ARHGAP21: variants seen among roughly 807,000 people sequenced by gnomAD.
ARHGAP21 encodes rho GTPase-activating protein 21.
ARHGAP21 carries 38 observed loss-of-function variants against 164.6 expected under a neutral mutation model. That is an observed-to-expected ratio of 0.23 (90% confidence interval 0.18 to 0.30). ARHGAP21 has a LOEUF of 0.30. Among genes scored for constraint, ARHGAP21 ranks in the 10% least tolerant of loss-of-function variants. The pLI, the probability that ARHGAP21 is intolerant of heterozygous loss-of-function variation, is 1.00. For synonymous variants in ARHGAP21, 766 were observed against 857.9 expected (o/e 0.89, Z 1.87); for missense variants, 1,822 against 2,370.7 (o/e 0.77, Z 4.81).
intron 21 of ARHGAP21, among the ~76,000 whole-genome samples, chr10:24,594,074 A>AAATC (rs2076468349): frequency 6.6e-6 from 1 of 152,202 alleles, no homozygotes; most frequent in Admixed American, 6.5e-5. Flanking sequence ...CCTTAAGGAA[A>AAATC]AATCACTCAG....
intron 9 of ARHGAP21, among the ~76,000 whole-genome samples, chr10:24,619,066 A>C (rs1278886334): frequency 6.6e-6 from 1 of 152,218 alleles, no homozygotes; most frequent in Non-Finnish European, 1.5e-5. Flanking sequence ...TAAATTTACA[A>C]AGAAATATGT....
At chr10:24,692,069 A>G (rs1047462348) in intron 2 of ARHGAP21, among the ~76,000 whole-genome samples, 2 of 152,230 alleles carry the variant, frequency 1.3e-5, no homozygotes, top group Non-Finnish European at 2.9e-5. Flanking sequence ...GGGCAGTAAC[A>G]CTGCTTTACT....
chr10:24,602,232 C>CTT, intron 12 of ARHGAP21, 129 bp from the exon 13 acceptor site: 1 of 1,059,232 alleles, frequency 9.4e-7, no homozygotes, highest in Non-Finnish European at 1.3e-6. Context: ...AAAATCCTAA[C>CTT]TTTATCTTTT....
intron 9 of ARHGAP21, among the ~76,000 whole-genome samples, chr10:24,612,134 T>TTACA (rs1220906994): frequency 3.9e-5 from 6 of 152,188 alleles, no homozygotes. Context: ...TGTAACTCAG[T>TTACA]GAAATTATCA....
intron 8 of ARHGAP21, among the ~76,000 whole-genome samples, 180 bp downstream of exon 8, chr10:24,622,553 A>G (rs1593062274): frequency 6.7e-6 from 1 of 150,132 alleles, no homozygotes; most frequent in East Asian, 1.9e-4. Flanking sequence ...ACCAAACATA[A>G]AAATAAAAAA....
At position 24,690,776 on chromosome 10, in the gene ARHGAP21, C is replaced by T. The variant is rs556414926; in HGVS notation, c.64-20379G>A. 7.3e-5 allele frequency among the ~76,000 whole-genome samples: 11 copies of T among 150,896 alleles called. 2 individuals carry two copies. The highest frequency in any genetic ancestry group is 2.1e-4 in the South Asian group (1 of 4,730). ...CCAGGAGGTGGAGGTTGCAGTGAGCCGAGATCGCGCCACTGCACTCCAGCC... is the reference window on the plus strand; with the variant it reads ...CCAGGAGGTGGAGGTTGCAGTGAGCTGAGATCGCGCCACTGCACTCCAGCC... On this transcript the variant is annotated intron_variant, in intron 2 of 25. Coordinates refer to ENST00000396432, the MANE Select transcript of ARHGAP21 (RefSeq NM_020824.4).
chr10:24,671,158 T>C (rs1328975862), intron 2 of ARHGAP21, among the ~76,000 whole-genome samples: 1 of 152,118 alleles, frequency 6.6e-6, no homozygotes, highest in Non-Finnish European at 1.5e-5. Context: ...ATTCACTCCT[T>C]TACCCTCTCC....
intron 2 of ARHGAP21, among the ~76,000 whole-genome samples, chr10:24,712,411 C>T (rs1255084557): frequency 6.6e-6 from 1 of 152,086 alleles, no homozygotes; most frequent in Non-Finnish European, 1.5e-5. Flanking sequence ...AGACCTCCTG[C>T]GGATACCAAA....
At chr10:24,716,559 C>T (rs1050965580) in intron 2 of ARHGAP21, among the ~76,000 whole-genome samples, 1 of 152,172 alleles carries the variant, frequency 6.6e-6, no homozygotes, top group Non-Finnish European at 1.5e-5. Context: ...ACAGGAGGTG[C>T]GCTCAGGGAG....
At chr10:24,682,751 C>G (rs1200970826) in intron 2 of ARHGAP21, among the ~76,000 whole-genome samples, 2 of 151,338 alleles carry the variant, frequency 1.3e-5, no homozygotes, top group Admixed American at 1.3e-4. Context: ...TGATAAATAT[C>G]TAGACGTATC....
chr10:24,667,755 G>GT (rs547781189), intron 3 of ARHGAP21, among the ~76,000 whole-genome samples: 110 of 145,524 alleles, frequency 7.6e-4, no homozygotes, highest in Non-Finnish European at 8.5e-4. Context: ...GCTGCCCAAT[G>GT]TTTTTTTTTT....
intron 2 of ARHGAP21, among the ~76,000 whole-genome samples, chr10:24,702,792 C>CTGT (rs1224701584): frequency 2.0e-5 from 3 of 152,086 alleles, no homozygotes; most frequent in Non-Finnish European, 4.4e-5. Context: ...ATTGCCCAGG[C>CTGT]TGTTATTAAA....
Position 24,722,169 on chromosome 10 carries a change from A to G in ARHGAP21, c.-270T>C. Reference sequence around the variant, plus strand: ...AAGGCGACAGGTCTTCTTGGCAGCCAGTGTCGAGGCCAATTGCAGAAAGCG... The same window carrying G: ...AAGGCGACAGGTCTTCTTGGCAGCCGGTGTCGAGGCCAATTGCAGAAAGCG... On this transcript the variant is annotated 5_prime_UTR_variant, in exon 2 of 26. Coordinates refer to ENST00000396432, the MANE Select transcript of ARHGAP21 (RefSeq NM_020824.4). The G allele has an allele frequency of 2.0e-6, 1 of 494,360 alleles. No homozygotes were observed. The highest frequency in any genetic ancestry group is 3.7e-6 in the Non-Finnish European group (1 of 270,714). 30.6% of individuals were successfully genotyped at this position (494,360 alleles called of 1,614,324 possible). A position where few individuals can be genotyped will look rare whatever the true frequency, so the allele number is the denominator to read the frequency against.
At position 24,585,290 on chromosome 10, in the gene ARHGAP21, T is replaced by G; in HGVS notation, c.4999A>C (p.Arg1667=). The change falls in exon 26 of 26, where the codon AGA becomes CGA. Residue 1667 remains arginine (R), a synonymous_variant. Transcript: ENST00000396432. ...CTTAATTCACTTCCTTCAGAATTTC[T>G]CCGGCTGCTCTTAGTCACTTCTTGC... ...KLQEVTKSSR[R]NSEGSELSCT... The G allele has an allele frequency of 3.7e-6, 6 of 1,609,510 alleles. No homozygotes were observed. The highest frequency in any genetic ancestry group is 5.1e-6 in the Non-Finnish European group (6 of 1,179,530).
At chr10:24,646,972 C>A (rs1837631359) in intron 4 of ARHGAP21, among the ~76,000 whole-genome samples, 1 of 152,158 alleles carries the variant, frequency 6.6e-6, no homozygotes, top group African/African-American at 2.4e-5. Context: ...TAATATTCTG[C>A]AGAACATTAA....
intron 4 of ARHGAP21, among the ~76,000 whole-genome samples, chr10:24,658,838 TCAA>T (rs940564566): frequency 9.2e-5 from 14 of 152,048 alleles, no homozygotes; most frequent in African/African-American, 2.9e-4. Context: ...TACTTATACC[TCAA>T]CAACAAAAAA....
chr10:24,590,179 A>ATGACTTTAAGAACTG, intron 24 of ARHGAP21: 1 of 1,412,912 alleles, frequency 7.1e-7, no homozygotes, highest in South Asian at 1.6e-5. Flanking sequence ...TAAATGCTTT[A>ATGACTTTAAGAACTG]TGACTTTAAG....
chr10:24,633,463 C>T lies in ARHGAP21; in HGVS notation c.379G>A (p.Val127Ile). The change falls in exon 6 of 26, where the codon GTC becomes ATC. Residue 127 changes from valine (V) to isoleucine (I), a missense_variant. This residue lies in a region of ARHGAP21 where 1,090 missense variants were observed against 1,378.9 expected (regional missense o/e 0.79). Coordinates refer to ENST00000396432, the MANE Select transcript of ARHGAP21 (RefSeq NM_020824.4). Reference protein sequence around the residue: ...GLCTGDRIIKVNGESVIGKTY... With the variant: ...GLCTGDRIIKINGESVIGKTY... ...TTGCCAATAACACTTTCTCCATTGA[C>T]TTTTATAATTCGGTCACCTTCAAAG... 1.2e-6 allele frequency: 2 copies of T among 1,610,896 alleles called. No individual in the cohort carries two copies. Among genetic ancestry groups the T allele is most frequent in the Non-Finnish European group, 1.7e-6 (2 of 1,178,468 alleles).
intron 24 of ARHGAP21, chr10:24,590,940 TAAAAAAAA>T (rs901265529): frequency 3.5e-4 from 261 of 739,574 alleles, no homozygotes; most frequent in Non-Finnish European, 4.1e-4. Context: ...AACTGTGAAT[TAAAAAAAA>T]AAAAAAAAAA....
Sources: allele counts gnomAD v4.1 joint callset (sites outside exome capture counted in the v4.1 genomes callset), GRCh38; gene constraint gnomAD v4.1.1; regional missense constraint gnomAD v4.1.1; transcripts MANE v1.5; gene names NCBI Gene and HGNC (gene_info 2026-07-23, HGNC 2026-07-21).